TENM3: variants seen among roughly 807,000 people sequenced by gnomAD.
The protein encoded by TENM3 is teneurin-3.
In TENM3, 63 loss-of-function variants were observed where a neutral mutation model predicts 255.1. That is an observed-to-expected ratio of 0.25 (90% confidence interval 0.20 to 0.30). The LOEUF is 0.30. Among genes scored for constraint, TENM3 ranks in the 10% least tolerant of loss-of-function variants. TENM3 has a pLI of 1.00. For missense variants in TENM3, 2,929 were observed against 3,461.1 expected (o/e 0.85, Z 3.86); for synonymous variants, 1,306 against 1,322.3 (o/e 0.99, Z 0.27).
At chr4:181,930,658 C>A in the TENM3 span, among the ~76,000 whole-genome samples, 1 of 152,174 alleles carries the variant, frequency 6.6e-6, no homozygotes, top group Non-Finnish European at 1.5e-5. Flanking sequence ...TCCTCCCTAA[C>A]TCATTTTAGA....
the TENM3 span, among the ~76,000 whole-genome samples, chr4:181,801,652 AT>A: frequency 8.4e-4 from 2 of 2,368 alleles, no homozygotes; most frequent in African/African-American, 2.0e-3. Flanking sequence ...GAATTGTAAA[AT>A]ATATATATAT....
chr4:181,730,361 T>C, the TENM3 span, among the ~76,000 whole-genome samples: 1 of 152,132 alleles, frequency 6.6e-6, no homozygotes, highest in Admixed American at 6.5e-5. Context: ...CTTTCCACAA[T>C]TAGAGTTGCA....
chr4:182,577,049 G>A (rs890785413), intron 3 of TENM3, among the ~76,000 whole-genome samples: 6 of 152,074 alleles, frequency 3.9e-5, no homozygotes, highest in East Asian at 1.9e-4. Flanking sequence ...CGGCAGCTTC[G>A]TGCTCCCTCT....
chr4:181,852,617 G>A, the TENM3 span, among the ~76,000 whole-genome samples: 1 of 152,166 alleles, frequency 6.6e-6, no homozygotes, highest in Non-Finnish European at 1.5e-5. Flanking sequence ...ATTCCTTTGT[G>A]CTATTCCAAA....
chr4:182,692,747 A>G (rs1757103421), intron 12 of TENM3, among the ~76,000 whole-genome samples: 1 of 152,220 alleles, frequency 6.6e-6, no homozygotes, highest in Non-Finnish European at 1.5e-5. Flanking sequence ...CTCCCAAGTA[A>G]TCGTAGTATT....
the TENM3 span, among the ~76,000 whole-genome samples, chr4:181,561,505 CA>C: frequency 3.3e-5 from 5 of 152,248 alleles, no homozygotes; most frequent in Non-Finnish European, 7.4e-5. Flanking sequence ...TTCGTAATTT[CA>C]CCAGCAGGAT....
chr4:181,605,311 C>T, the TENM3 span, among the ~76,000 whole-genome samples: 1 of 151,228 alleles, frequency 6.6e-6, no homozygotes, highest in African/African-American at 2.4e-5. Flanking sequence ...AAGAATTAGC[C>T]GGGTGTGCCT....
At chr4:182,279,318 A>G (rs1760219655) in intron 1 of TENM3, among the ~76,000 whole-genome samples, 1 of 152,204 alleles carries the variant, frequency 6.6e-6, no homozygotes, top group Admixed American at 6.5e-5. Context: ...AAAGAGATAT[A>G]TTGCTTATAA....
the TENM3 span, among the ~76,000 whole-genome samples, chr4:181,762,211 G>A: frequency 6.6e-6 from 1 of 152,114 alleles, no homozygotes; most frequent in African/African-American, 2.4e-5. Context: ...TCTAATGGGT[G>A]GAATTTTTCA....
At chr4:181,588,048 C>T in the TENM3 span, among the ~76,000 whole-genome samples, 2 of 152,090 alleles carry the variant, frequency 1.3e-5, no homozygotes, top group African/African-American at 2.4e-5. Flanking sequence ...CACCTGGTCA[C>T]GGGAAAGCAG....
chr4:181,759,947 A>C, the TENM3 span, among the ~76,000 whole-genome samples: 1 of 151,956 alleles, frequency 6.6e-6, no homozygotes, highest in African/African-American at 2.4e-5. Flanking sequence ...CTTGCTTAAT[A>C]CTCCATGGCC....
chr4:181,676,633 T>C, the TENM3 span, among the ~76,000 whole-genome samples: 1 of 152,138 alleles, frequency 6.6e-6, no homozygotes, highest in Non-Finnish European at 1.5e-5. Flanking sequence ...TACTAAAATG[T>C]AAGGAATCCC....
intron 3 of TENM3, among the ~76,000 whole-genome samples, chr4:182,415,633 C>A (rs1208083973): frequency 6.6e-6 from 1 of 152,076 alleles, no homozygotes; most frequent in African/African-American, 2.4e-5. Context: ...GGCATCATTT[C>A]CCTCTGTTTT....
chr4:182,647,439 A>G (rs76378593), intron 5 of TENM3, among the ~76,000 whole-genome samples: 10,419 of 152,206 alleles, frequency 0.068, 572 homozygotes, highest in East Asian at 0.24. Context: ...GACTTTGACT[A>G]CTTCAGATAG....
intron 3 of TENM3, among the ~76,000 whole-genome samples, chr4:182,524,861 G>T (rs1282008356): frequency 1.1e-4 from 16 of 149,246 alleles, no homozygotes; most frequent in Admixed American, 1.1e-3. Context: ...AAAAAGAAAA[G>T]AAAAGAAAAT....
At chr4:182,795,729 C>G (rs973860624) in intron 26 of TENM3, among the ~76,000 whole-genome samples, 1 of 152,196 alleles carries the variant, frequency 6.6e-6, no homozygotes, top group Non-Finnish European at 1.5e-5. Context: ...CCTCTCCTAG[C>G]AACGTGGACT....
intron 5 of TENM3, among the ~76,000 whole-genome samples, chr4:182,637,073 G>A (rs1751907807): frequency 6.6e-6 from 1 of 152,200 alleles, no homozygotes; most frequent in Admixed American, 6.5e-5. Flanking sequence ...GGCATATTCA[G>A]AGAGAAATGT....
the TENM3 span, among the ~76,000 whole-genome samples, chr4:181,750,557 T>A: frequency 6.6e-6 from 1 of 152,328 alleles, no homozygotes; most frequent in African/African-American, 2.4e-5. Context: ...CCAAACTTTT[T>A]GTTGTGTCAG....
At chr4:181,921,998 A>G in the TENM3 span, among the ~76,000 whole-genome samples, 1 of 151,960 alleles carries the variant, frequency 6.6e-6, no homozygotes. Flanking sequence ...TAATCGTGTG[A>G]TTTTTGTCTT....
Sources: gnomAD v4.1 joint callset for allele counts (sites outside exome capture counted in the v4.1 genomes callset) on GRCh38, gnomAD v4.1.1 for gene constraint, MANE v1.5 for transcripts, NCBI Gene and HGNC (gene_info 2026-07-23, HGNC 2026-07-21) for gene names.